The following PLXNA4 variants were observed in gnomAD, a reference collection of about 807,000 sequenced individuals.
PLXNA4 encodes plexin-A4.
In PLXNA4, 44 loss-of-function variants were observed where a neutral mutation model predicts 191.8. The ratio of observed to expected loss-of-function variants is 0.23; its 90% CI spans 0.18 to 0.29. The LOEUF (loss-of-function observed/expected upper bound fraction) is 0.29, where lower values mean the gene tolerates loss of function less well. Ranked by LOEUF, PLXNA4 falls within the 10% of genes least tolerant of loss-of-function variation. The pLI, the probability that PLXNA4 is intolerant of heterozygous loss-of-function variation, is 1.00. For missense variants in PLXNA4, 1,800 were observed against 2,488.8 expected (o/e 0.72, Z 5.89); for synonymous variants, 1,082 against 1,009.5 (o/e 1.07, Z -1.36).
At chr7:132,590,944 G>T (rs549068728) in intron 2 of PLXNA4, among the ~76,000 whole-genome samples, 1 of 152,252 alleles carries the variant, frequency 6.6e-6, no homozygotes, top group South Asian at 2.1e-4. Flanking sequence ...CAAGGACCCA[G>T]TCTCTCTTCC....
intron 4 of PLXNA4, among the ~76,000 whole-genome samples, chr7:132,263,234 T>C (rs957281317): frequency 6.6e-6 from 1 of 152,182 alleles, no homozygotes; most frequent in Non-Finnish European, 1.5e-5. Context: ...GAACCTGGCA[T>C]GGCTGGCCCA....
In PLXNA4 at chr7:132,559,758, G is replaced by A. The variant is rs576064908; in HGVS notation, c.-87+16664C>T. ...CAAATGAAGACCACTAAATTATAAA[G>A]CTCTCCTGCAGAATGCAAAGCATCT... On this transcript the variant is annotated intron_variant, in intron 1 of 31. Transcript: ENST00000321063. Among the ~76,000 whole-genome samples the A allele has an allele frequency of 1.1e-4, 17 of 152,304 alleles. No homozygotes were observed. In the South Asian group the frequency reaches 1.9e-3, roughly 17 times the overall value.
chr7:132,630,569 T>C (rs1394377057), intron 2 of PLXNA4, among the ~76,000 whole-genome samples: 1 of 152,176 alleles, frequency 6.6e-6, no homozygotes, highest in Non-Finnish European at 1.5e-5. Flanking sequence ...TGGAGTGCAA[T>C]GGCACAATCT....
intron 1 of PLXNA4, among the ~76,000 whole-genome samples, chr7:132,538,195 C>T (rs1384567733): frequency 6.6e-6 from 1 of 152,214 alleles, no homozygotes; most frequent in Admixed American, 6.5e-5. Context: ...GCACCACCTT[C>T]CTCTCATGAG....
chr7:132,302,199 A>T (rs1801333648), intron 3 of PLXNA4, among the ~76,000 whole-genome samples: 1 of 152,210 alleles, frequency 6.6e-6, no homozygotes, highest in Admixed American at 6.5e-5. Context: ...GTCTCATTTA[A>T]TATTTTTTAT....
rs1196484529 is a variant in PLXNA4, at chr7:132,132,463, TTCTGCTCTGCTCTGC to T, written c.5589+571_5589+585del. ...TTCTGTTCTGTTCTGTTCTGTTCTG[TTCTGCTCTGCTCTGC>T]TCTGCTCTGCTCTATTCTTTTCTAT... is the stretch of plus-strand genomic sequence containing the variant. On this transcript the variant is annotated intron_variant, in intron 31 of 31. Coordinates refer to ENST00000321063, the MANE Select transcript of PLXNA4 (RefSeq NM_020911.2). 3.1e-3 allele frequency among the ~76,000 whole-genome samples: 206 copies of T among 65,596 alleles called. 7 individuals carry two copies. Among genetic ancestry groups the T allele is most frequent in the African/African-American group, 0.01 (195 of 19,416 alleles). 43.0% of individuals were successfully genotyped at this position (65,596 alleles called of 152,430 possible). A position where few individuals can be genotyped will look rare whatever the true frequency, so the allele number is the denominator to read the frequency against.
rs377607192 is a variant in PLXNA4, at chr7:132,148,659, C to T, written c.4661-13G>A. 119 of 1,614,034 alleles carry T rather than the reference C, an allele frequency of 7.4e-5. No individual in the cohort carries two copies. In the African/African-American group the frequency reaches 8.5e-4, roughly 12 times the overall value. ...CCTTGTCGCCACTCTGCCAAAAGAG[C>T]GGTGGCGTTTCAGAGAGGCCCTATG... On this transcript the variant is annotated splice_polypyrimidine_tract_variant and intron_variant, in intron 25 of 31. Coordinates refer to ENST00000321063, the MANE Select transcript of PLXNA4 (RefSeq NM_020911.2).
At chr7:132,276,985 T>C (rs892360443) in intron 4 of PLXNA4, among the ~76,000 whole-genome samples, 4 of 152,186 alleles carry the variant, frequency 2.6e-5, no homozygotes, top group South Asian at 4.1e-4. Flanking sequence ...TAAATACTCC[T>C]GTCACATAAA....
In PLXNA4 at chr7:132,617,275, C is replaced by T. The variant is rs866498258; in HGVS notation, c.-87+28653G>A. ...GCCACAGTGCCACAGAGGAAAAGCA[C>T]GGGGTGGTTTGAGGGATGGGGTCAG... is the stretch of plus-strand genomic sequence containing the variant. On this transcript the variant is annotated intron_variant, in intron 2 of 4. Transcript: ENST00000378539. Among the ~76,000 whole-genome samples, 9 of 152,052 alleles carry T rather than the reference C, an allele frequency of 5.9e-5. 1 individual carries two copies. The highest frequency in any genetic ancestry group is 3.3e-4 in the Admixed American group (5 of 15,264).
At chr7:132,352,580 G>A (rs956315308) in intron 3 of PLXNA4, among the ~76,000 whole-genome samples, 2 of 152,122 alleles carry the variant, frequency 1.3e-5, no homozygotes, top group Non-Finnish European at 2.9e-5. Context: ...AGACCCTCAG[G>A]GGCACGTGGT....
intron 4 of PLXNA4, among the ~76,000 whole-genome samples, chr7:132,277,193 G>A (rs1314506837): frequency 6.6e-6 from 1 of 152,126 alleles, no homozygotes; most frequent in African/African-American, 2.4e-5. Context: ...ACTTATTCAG[G>A]GAATACTTGG....
chr7:132,172,637 A>G (rs912685797), intron 21 of PLXNA4, among the ~76,000 whole-genome samples: 2 of 152,216 alleles, frequency 1.3e-5, no homozygotes, highest in Non-Finnish European at 2.9e-5. Context: ...TCGATTTCAC[A>G]TAGAAGGCTG....
At chr7:132,221,540 G>A (rs1184821043) in intron 9 of PLXNA4, among the ~76,000 whole-genome samples, 1 of 152,182 alleles carries the variant, frequency 6.6e-6, no homozygotes, top group Non-Finnish European at 1.5e-5. Context: ...ACCACACCCT[G>A]AGACAGGCCT....
intron 2 of PLXNA4, among the ~76,000 whole-genome samples, chr7:132,615,556 T>A (rs565552679): frequency 6.5e-4 from 99 of 152,328 alleles, no homozygotes; most frequent in Non-Finnish European, 1.2e-3. Flanking sequence ...CACTTCGGGA[T>A]CTGTCTGACA....
Position 132,451,870 on chromosome 7 carries a change from C to T in PLXNA4, c.1371+37422G>A, listed in dbSNP as rs564472889. Among the ~76,000 whole-genome samples the T allele has an allele frequency of 2.6e-5, 4 of 152,234 alleles. No homozygotes were observed. In the South Asian group the frequency reaches 8.3e-4, roughly 32 times the overall value. On this transcript the variant is annotated intron_variant, in intron 3 of 31. Transcript: ENST00000321063. ...CAAGTTCATTGGTAGGCAGGGCCCT[C>T]CTGGCCCTGACAGCCAACGATTCCC...
At chr7:132,384,072 C>T (rs1033110294) in intron 3 of PLXNA4, 3 of 985,330 alleles carry the variant, frequency 3.0e-6, no homozygotes, top group African/African-American at 1.7e-5. Flanking sequence ...CACTAAATCT[C>T]CAGCTTTGGG....
intron 3 of PLXNA4, among the ~76,000 whole-genome samples, chr7:132,373,423 T>C (rs1804525710): frequency 6.6e-6 from 1 of 152,206 alleles, no homozygotes; most frequent in African/African-American, 2.4e-5. Flanking sequence ...TCCGTAGCTC[T>C]GGATGTGCAT....
At chr7:132,610,849 A>G (rs1044685559) in intron 2 of PLXNA4, among the ~76,000 whole-genome samples, 2 of 152,242 alleles carry the variant, frequency 1.3e-5, no homozygotes, top group Non-Finnish European at 2.9e-5. Context: ...CTTGAGTGCC[A>G]TGATACTGCC....
At chr7:132,388,885 G>A (rs1805275492) in intron 3 of PLXNA4, among the ~76,000 whole-genome samples, 2 of 152,154 alleles carry the variant, frequency 1.3e-5, no homozygotes, top group Non-Finnish European at 2.9e-5. Context: ...CTTCTTTCTG[G>A]CAAGTCCCAT....
Sources: gnomAD v4.1 joint callset for allele counts (sites outside exome capture counted in the v4.1 genomes callset) on GRCh38, gnomAD v4.1.1 for gene constraint, MANE v1.5 for transcripts, NCBI Gene and HGNC (gene_info 2026-07-23, HGNC 2026-07-21) for gene names.